ADAMTS9: variants seen among roughly 807,000 people sequenced by gnomAD.
ADAMTS9 encodes A disintegrin and metalloproteinase with thrombospondin motifs 9.
ADAMTS9 carries 107 observed loss-of-function variants against 257.1 expected under a neutral mutation model. That is an observed-to-expected ratio of 0.42 (90% CI 0.36 to 0.49). The LOEUF is 0.49. ADAMTS9 is among the 20% of genes least tolerant of loss of function. The pLI, the probability that ADAMTS9 is intolerant of heterozygous loss-of-function variation, is 0.03. For missense variants in ADAMTS9, 2,353 were observed against 2,469.1 expected, an observed-to-expected ratio of 0.95 and a Z score of 1.00; for synonymous variants, 982 against 880.9, an observed-to-expected ratio of 1.11 and a Z score of -2.03.
intron 12 of ADAMTS9, among the ~76,000 whole-genome samples, chr3:64,634,695 T>C (rs6445421): frequency 0.32 from 48,200 of 152,070 alleles, 10,851 homozygotes; most frequent in African/African-American, 0.61. Context: ...CACAGAATCG[T>C]AGGACGTTGG....
At chr3:64,645,850 G>A (rs1318770140) in intron 11 of ADAMTS9, among the ~76,000 whole-genome samples, 1 of 152,168 alleles carries the variant, frequency 6.6e-6, no homozygotes, top group Non-Finnish European at 1.5e-5. Context: ...TCTGCTGAAA[G>A]CTCTCCCGAA....
At chr3:64,606,846 G>T in intron 23 of ADAMTS9, 114 bp downstream of exon 23, 2 of 1,284,010 alleles carry the variant, frequency 1.6e-6, no homozygotes, top group Middle Eastern at 2.0e-4. Flanking sequence ...TAATCTACTG[G>T]TTGCTCTACT....
In ADAMTS9 at chr3:64,550,881, C is replaced by G; in HGVS notation, c.4869+11G>C. ...CTGAGCTGACGATGGTTACAGTTCC[C>G]AGGACGGTACCTCTGACCATTCTCC... On this transcript the variant is annotated intron_variant, in intron 31 of 39. Coordinates refer to ENST00000498707, the MANE Select transcript of ADAMTS9 (RefSeq NM_182920.2). The G allele has an allele frequency of 6.2e-7, 1 of 1,613,998 alleles. No homozygotes were observed. Among genetic ancestry groups the G allele is most frequent in the Non-Finnish European group, 8.5e-7 (1 of 1,179,938 alleles).
chr3:64,638,451 C>T (rs369126729), intron 12 of ADAMTS9, among the ~76,000 whole-genome samples: 13 of 152,120 alleles, frequency 8.5e-5, no homozygotes, highest in African/African-American at 2.9e-4. Context: ...GCTGGGTGAC[C>T]GTGTAATTAA....
chr3:64,519,919 A>G (rs2082828638), intron 39 of ADAMTS9, among the ~76,000 whole-genome samples: 1 of 152,212 alleles, frequency 6.6e-6, no homozygotes, highest in African/African-American at 2.4e-5. Context: ...CTCCTATTCA[A>G]CATAGTATTG....
At position 64,643,150 on chromosome 3, in the gene ADAMTS9, C is replaced by T. The variant is rs76042002; in HGVS notation, c.1711-1157G>A. ...TGGGTGACTCAGGACCCATGAAATGCGCACTGAGGCAGTGGGGACTACGTC... is the reference window on the plus strand; with the variant it reads ...TGGGTGACTCAGGACCCATGAAATGTGCACTGAGGCAGTGGGGACTACGTC... On this transcript the variant is annotated intron_variant, in intron 11 of 39. Transcript: ENST00000498707. Among the ~76,000 whole-genome samples the T allele has an allele frequency of 5.8e-3, 876 of 152,250 alleles. 17 individuals carry two copies. The East Asian group carries it at 0.058, about 10-fold the overall frequency.
intron 12 of ADAMTS9, among the ~76,000 whole-genome samples, chr3:64,638,487 G>C (rs1700555968): frequency 1.3e-5 from 2 of 152,150 alleles, no homozygotes; most frequent in South Asian, 4.1e-4. Context: ...CGTTCTGAGA[G>C]TGAAAATGGG....
chr3:64,606,460 A>G (rs527644280), intron 23 of ADAMTS9, among the ~76,000 whole-genome samples: 1 of 152,342 alleles, frequency 6.6e-6, no homozygotes, highest in Non-Finnish European at 1.5e-5. Context: ...ACATTGTATA[A>G]GTTAAGTTCT....
Position 64,631,568 on chromosome 3 carries a change from G to T in ADAMTS9, c.2294-18C>A. ...ATTGTAACCTGAAAAGAATTTAGCA[G>T]AAATTCAGTACTCCACAGAATGGTT... On this transcript the variant is annotated intron_variant, in intron 15 of 39. Coordinates refer to ENST00000498707, the MANE Select transcript of ADAMTS9 (RefSeq NM_182920.2). 1.3e-6 allele frequency: 2 copies of T among 1,590,340 alleles called. No homozygotes were observed. Among genetic ancestry groups the T allele is most frequent in the Non-Finnish European group, 1.7e-6 (2 of 1,158,350 alleles).
At chr3:64,626,091 A>C (rs1282041970) in intron 16 of ADAMTS9, among the ~76,000 whole-genome samples, 1 of 152,178 alleles carries the variant, frequency 6.6e-6, no homozygotes, top group African/African-American at 2.4e-5. Flanking sequence ...TCCTCTGTAT[A>C]ATGAGTTTCT....
Position 64,626,615 on chromosome 3 carries a change from A to T in ADAMTS9, c.2390-4029T>A, listed in dbSNP as rs541217586. Among the ~76,000 whole-genome samples the T allele has an allele frequency of 7.1e-4, 108 of 152,278 alleles. 1 individual carries two copies. Among genetic ancestry groups the T allele is most frequent in the South Asian group, 6.9e-3 (33 of 4,814 alleles). ...AATGCTCATTATTTGGGTAATGGGT[A>T]CTCTAAAAGCTCAGACTTCACCACT... On this transcript the variant is annotated intron_variant, in intron 16 of 39. Transcript: ENST00000498707.
In ADAMTS9 at chr3:64,541,316, C is replaced by T. The variant is rs373156809; in HGVS notation, c.5387+4G>A. 15 of 1,614,020 alleles carry T rather than the reference C, an allele frequency of 9.3e-6. No individual in the cohort carries two copies. The highest frequency in any genetic ancestry group is 2.7e-5 in the African/African-American group (2 of 74,918). On this transcript the variant is annotated splice_donor_region_variant and intron_variant, in intron 35 of 39. Transcript: ENST00000498707. ...CTGAGATCTTCTGAGCCTGGCTCTC[C>T]TACCTGTGCCCATAAACCTCGGAGA...
chr3:64,559,714 G>C (rs1211275346), intron 30 of ADAMTS9, among the ~76,000 whole-genome samples: 1 of 152,206 alleles, frequency 6.6e-6, no homozygotes, highest in African/African-American at 2.4e-5. Context: ...CAGAGAAGAG[G>C]AATTTCCTCA....
intron 38 of ADAMTS9, among the ~76,000 whole-genome samples, chr3:64,529,982 ATTTT>A (rs200385291): frequency 3.1e-4 from 33 of 106,494 alleles, no homozygotes; most frequent in Admixed American, 7.3e-4. Flanking sequence ...CAGTTATTTA[ATTTT>A]TTTTTTTTTT....
intron 38 of ADAMTS9, chr3:64,522,657 C>G (rs908137664): frequency 6.1e-6 from 1 of 165,054 alleles, no homozygotes; most frequent in Non-Finnish European, 1.3e-5. Context: ...AAAAAAAGAA[C>G]TGAGTCTCAG....
At chr3:64,643,760 T>A (rs996970359) in intron 11 of ADAMTS9, among the ~76,000 whole-genome samples, 6 of 151,924 alleles carry the variant, frequency 3.9e-5, no homozygotes, top group Admixed American at 2.6e-4. Flanking sequence ...CCAACACACC[T>A]GGCCTACTAA....
At chr3:64,534,005 T>C (rs1410416541) in intron 37 of ADAMTS9, among the ~76,000 whole-genome samples, 4 of 152,178 alleles carry the variant, frequency 2.6e-5, no homozygotes, top group Non-Finnish European at 4.4e-5. Context: ...CACTCTCTCT[T>C]TCAAAAATGA....
intron 32 of ADAMTS9, among the ~76,000 whole-genome samples, chr3:64,543,672 GC>G (rs1281497871): frequency 6.6e-6 from 1 of 152,182 alleles, no homozygotes. Context: ...TACTGAATGG[GC>G]AAAAACTGGA....
At chr3:64,566,764 A>C (rs1313949315) in intron 29 of ADAMTS9, among the ~76,000 whole-genome samples, 2 of 152,216 alleles carry the variant, frequency 1.3e-5, no homozygotes. Flanking sequence ...CATTAAAAAA[A>C]AAAGTAACAG....
Sources: gnomAD v4.1 joint callset for allele counts (sites outside exome capture counted in the v4.1 genomes callset) on GRCh38, gnomAD v4.1.1 for gene constraint, MANE v1.5 for transcripts, NCBI Gene and HGNC (gene_info 2026-07-23, HGNC 2026-07-21) for gene names.